MYO16: variants seen among roughly 807,000 people sequenced by gnomAD.
MYO16 encodes the protein myosin XVI.
Under a neutral mutation model 205.3 loss-of-function variants are expected in MYO16, and 94 were observed. The ratio of observed to expected loss-of-function variants is 0.46; its 90% CI spans 0.39 to 0.54. MYO16 has a LOEUF of 0.54. Ranked by LOEUF, MYO16 falls within the 20% of genes least tolerant of loss-of-function variation. The pLI is 0.00. For synonymous variants in MYO16, 988 were observed against 954.0 expected, an observed-to-expected ratio of 1.04 and a Z score of -0.66; for missense variants, 2,315 against 2,387.5, an observed-to-expected ratio of 0.97 and a Z score of 0.63.
chr13:108,798,195 A>G (rs907949240), intron 6 of MYO16, among the ~76,000 whole-genome samples: 8 of 149,518 alleles, frequency 5.4e-5, no homozygotes, highest in Admixed American at 2.7e-4. Flanking sequence ...TGTAAGGTAT[A>G]TAGTGTATTT....
intron 4 of MYO16, among the ~76,000 whole-genome samples, chr13:108,751,754 C>G (rs1316199983): frequency 6.6e-6 from 1 of 152,144 alleles, no homozygotes; most frequent in Non-Finnish European, 1.5e-5. Context: ...CCTCCAAAAT[C>G]ACACAGGCAC....
At chr13:108,645,311 G>A (rs986401770) in intron 1 of MYO16, among the ~76,000 whole-genome samples, 9 of 152,168 alleles carry the variant, frequency 5.9e-5, no homozygotes, top group African/African-American at 2.2e-4. Context: ...ATAAAAGACG[G>A]TCATAAATGT....
At chr13:108,935,743 G>A (rs1010275695) in intron 16 of MYO16, among the ~76,000 whole-genome samples, 3 of 152,026 alleles carry the variant, frequency 2.0e-5, no homozygotes, top group East Asian at 1.9e-4. Flanking sequence ...TGTTCAGTAC[G>A]ATGTTGGCTG....
chr13:108,956,628 G>T (rs902050067), intron 16 of MYO16, among the ~76,000 whole-genome samples: 1 of 151,930 alleles, frequency 6.6e-6, no homozygotes, highest in Non-Finnish European at 1.5e-5. Flanking sequence ...TATTTTCCCC[G>T]TATGCATCAT....
At chr13:108,534,343 G>A in the MYO16 span, among the ~76,000 whole-genome samples, 3 of 152,146 alleles carry the variant, frequency 2.0e-5, no homozygotes, top group South Asian at 4.1e-4. Flanking sequence ...AAAGCTTCTA[G>A]GGAAAGCTGT....
chr13:109,054,548 T>C (rs1284768837), intron 25 of MYO16, among the ~76,000 whole-genome samples: 1 of 152,112 alleles, frequency 6.6e-6, no homozygotes, highest in African/African-American at 2.4e-5. Context: ...ATAACCAGGA[T>C]ATGATCGTGA....
chr13:108,977,374 G>A (rs1408291699), intron 20 of MYO16, among the ~76,000 whole-genome samples: 2 of 152,014 alleles, frequency 1.3e-5, no homozygotes, highest in African/African-American at 4.8e-5. Flanking sequence ...GAATTTTCCC[G>A]AGGTGTATAT....
At chr13:108,888,733 A>G (rs890735860) in intron 14 of MYO16, among the ~76,000 whole-genome samples, 1 of 152,178 alleles carries the variant, frequency 6.6e-6, no homozygotes, top group Non-Finnish European at 1.5e-5. Flanking sequence ...AACACGTAAT[A>G]TAGGTAGATG....
At position 108,596,873 on chromosome 13, in the gene MYO16, A is replaced by G. The variant is rs529020253; in HGVS notation, c.-39+634A>G. Among the ~76,000 whole-genome samples the G allele has an allele frequency of 7.1e-4, 108 of 152,338 alleles. No individual in the cohort carries two copies. The South Asian group carries it at 0.014, about 19-fold the overall frequency. On this transcript the variant is annotated intron_variant, in intron 1 of 24. Coordinates refer to the MYO16 transcript ENST00000251041. ...CCATTTGATAGAAGAAATAAAACCT[A>G]GTGTTAGCTAGATCAGCAGGGTGAC...
At chr13:108,780,374 C>T (rs1272598950) in intron 4 of MYO16, among the ~76,000 whole-genome samples, 3 of 132,658 alleles carry the variant, frequency 2.3e-5, no homozygotes, top group African/African-American at 8.4e-5. Flanking sequence ...AAAAAAAAAA[C>T]TGCCCAGTGA....
At chr13:108,768,472 G>A (rs1885853557) in intron 4 of MYO16, among the ~76,000 whole-genome samples, 1 of 152,146 alleles carries the variant, frequency 6.6e-6, no homozygotes, top group Admixed American at 6.5e-5. Context: ...TGCATGAATA[G>A]CTGAGCAGTG....
At chr13:109,152,679 C>T (rs1877741355) in intron 32 of MYO16, among the ~76,000 whole-genome samples, 2 of 152,166 alleles carry the variant, frequency 1.3e-5, no homozygotes, top group Admixed American at 1.3e-4. Flanking sequence ...CTTCGGAACC[C>T]TCTGCAATAG....
At chr13:108,791,308 T>C (rs1886609180) in intron 5 of MYO16, among the ~76,000 whole-genome samples, 1 of 152,226 alleles carries the variant, frequency 6.6e-6, no homozygotes, top group East Asian at 1.9e-4. Flanking sequence ...TACTGCATTT[T>C]GCTTTATTTT....
chr13:108,717,658 A>G (rs1884000963), intron 3 of MYO16, among the ~76,000 whole-genome samples: 1 of 150,552 alleles, frequency 6.6e-6, no homozygotes, highest in South Asian at 2.1e-4. Context: ...AAATTGAGCC[A>G]TAATGTATCT....
In MYO16 at chr13:109,154,911, G is replaced by GAAAAAAAAAAA. The variant is rs59465499; in HGVS notation, c.5165-9974_5165-9964dup. Among the ~76,000 whole-genome samples, 37 of 62,684 alleles carry GAAAAAAAAAAA rather than the reference G, an allele frequency of 5.9e-4. 3 individuals are homozygous for GAAAAAAAAAAA. Among genetic ancestry groups the GAAAAAAAAAAA allele is most frequent in the East Asian group, 9.3e-4 (2 of 2,142 alleles). 41.1% of individuals were successfully genotyped at this position (62,684 alleles called of 152,430 possible). Reference sequence around the variant, plus strand: ...AGGTATTGCATACTCGGCTAATTATGAAAAAAAAAAAAAAAAAAAAAAAAA... The same window carrying GAAAAAAAAAAA: ...AGGTATTGCATACTCGGCTAATTATGAAAAAAAAAAAAAAAAAAAAAAAAAAAAAAAAAAAA... On this transcript the variant is annotated intron_variant, in intron 32 of 34. Coordinates refer to ENST00000457511, the MANE Select transcript of MYO16 (RefSeq NM_001198950.3).
chr13:108,995,114 A>G (rs550971760), intron 21 of MYO16, among the ~76,000 whole-genome samples: 2 of 152,184 alleles, frequency 1.3e-5, no homozygotes, highest in Admixed American at 1.3e-4. Context: ...TAGAGGAGGT[A>G]ATTGACAAAC....
At chr13:109,201,511 A>AAG (rs1566561022) in intron 34 of MYO16, 1 of 150,696 alleles carries the variant, frequency 6.6e-6, no homozygotes, top group African/African-American at 2.4e-5. Flanking sequence ...AAAAAAAAAA[A>AAG]ATCTTATTCT....
chr13:109,201,491 C>CAAAAAAAAAAAAAAAA lies in MYO16; in HGVS notation c.5416-5112_5416-5097dup, dbSNP rs3042152. On this transcript the variant is annotated intron_variant, in intron 34 of 34. Coordinates refer to ENST00000457511, the MANE Select transcript of MYO16 (RefSeq NM_001198950.3). ...TTCCATCTGGAATCATCGTCTTCTA[C>CAAAAAAAAAAAAAAAA]AAAAAAAAAAAAAAAAAAAAATCTT... 41 of 97,360 alleles carry CAAAAAAAAAAAAAAAA rather than the reference C, an allele frequency of 4.2e-4. 4 individuals carry two copies. Among genetic ancestry groups the CAAAAAAAAAAAAAAAA allele is most frequent in the African/African-American group, 1.7e-3 (41 of 24,772 alleles). The allele number at this position is 97,360 out of a possible 1,614,324, so 6.0% of individuals were successfully genotyped here. A position where few individuals can be genotyped will look rare whatever the true frequency, so the allele number is the denominator to read the frequency against.
intron 27 of MYO16, among the ~76,000 whole-genome samples, chr13:109,083,688 T>C (rs771169747): frequency 6.6e-6 from 1 of 152,096 alleles, no homozygotes; most frequent in Non-Finnish European, 1.5e-5. Context: ...AATAATCCTA[T>C]AGGTGAGCAA....
Sources: gnomAD v4.1 joint callset for allele counts (sites outside exome capture counted in the v4.1 genomes callset) on GRCh38, gnomAD v4.1.1 for gene constraint, MANE v1.5 for transcripts, NCBI Gene and HGNC (gene_info 2026-07-23, HGNC 2026-07-21) for gene names.